The following APP variants were observed in gnomAD, a reference collection of about 807,000 sequenced individuals.
The protein encoded by APP is amyloid-beta precursor protein.
Under a neutral mutation model 101.4 loss-of-function variants are expected in APP, and 31 were observed. That is an observed-to-expected ratio of 0.31 (90% CI 0.23 to 0.41). The LOEUF (loss-of-function observed/expected upper bound fraction) is 0.41, where lower values mean the gene tolerates loss of function less well. Ranked by LOEUF, APP falls within the 10% of genes least tolerant of loss-of-function variation. APP has a pLI of 1.00. For synonymous variants in APP, 366 were observed against 364.4 expected, an observed-to-expected ratio of 1.00 and a Z score of -0.05; for missense variants, 839 against 1,003.7, an observed-to-expected ratio of 0.84 and a Z score of 2.22.
chr21:26,034,389 A>G (rs1159691856), intron 5 of APP, among the ~76,000 whole-genome samples: 2 of 152,202 alleles, frequency 1.3e-5, no homozygotes, highest in Non-Finnish European at 2.9e-5. Flanking sequence ...TCAGGCCTGT[A>G]ATCCCAGCAC....
intron 3 of APP, among the ~76,000 whole-genome samples, chr21:26,083,636 T>TC (rs1348656695): frequency 6.6e-6 from 1 of 152,212 alleles, no homozygotes; most frequent in Non-Finnish European, 1.5e-5. Context: ...AAATCAGATG[T>TC]CCATTAGCCT....
At chr21:25,924,670 T>C (rs2039805781) in intron 13 of APP, among the ~76,000 whole-genome samples, 1 of 151,638 alleles carries the variant, frequency 6.6e-6, no homozygotes, top group Admixed American at 6.6e-5. Context: ...CATGCGGAGT[T>C]AAAACCTAGA....
chr21:26,165,016 C>A (rs1239556765), intron 1 of APP, among the ~76,000 whole-genome samples: 1 of 151,904 alleles, frequency 6.6e-6, no homozygotes, highest in East Asian at 1.9e-4. Flanking sequence ...TTTCAAAAAA[C>A]CAATTGAAAT....
intron 9 of APP, among the ~76,000 whole-genome samples, chr21:25,980,658 G>A (rs533542621): frequency 1.5e-5 from 1 of 67,124 alleles, no homozygotes; most frequent in East Asian, 4.0e-4. Context: ...TCATCTTAAG[G>A]CAAAACAAAC....
chr21:25,896,823 T>TG (rs1451400182), intron 16 of APP, among the ~76,000 whole-genome samples: 2 of 152,112 alleles, frequency 1.3e-5, no homozygotes, highest in African/African-American at 4.8e-5. Context: ...ATCTTACTCT[T>TG]GCAAGAGAAG....
intron 5 of APP, among the ~76,000 whole-genome samples, chr21:26,047,070 A>G (rs957322820): frequency 1.1e-4 from 16 of 152,148 alleles, no homozygotes; most frequent in African/African-American, 2.9e-4. Context: ...CTGGAGAAAA[A>G]TATACTCGGT....
intron 13 of APP, among the ~76,000 whole-genome samples, chr21:25,938,139 T>A (rs2040429641): frequency 6.6e-6 from 1 of 152,194 alleles, no homozygotes; most frequent in Non-Finnish European, 1.5e-5. Context: ...TGCCAATCCC[T>A]TTTCATAGCT....
rs62222433 is a variant in APP at position 26,028,854 on chromosome 21, G to A, written c.663-6812C>T. ...GAGCAAGAAAAAAAATTATGGAAAAGTACTATAGGGAAAGGAGATGGGGCT... is the reference window on the plus strand; with the variant it reads ...GAGCAAGAAAAAAAATTATGGAAAAATACTATAGGGAAAGGAGATGGGGCT... On this transcript the variant is annotated intron_variant, in intron 5 of 17. Transcript: ENST00000346798. 6.9e-3 allele frequency among the ~76,000 whole-genome samples: 1,054 copies of A among 152,224 alleles called. 8 individuals carry two copies. The highest frequency in any genetic ancestry group is 0.012 in the South Asian group (58 of 4,820).
intron 11 of APP, among the ~76,000 whole-genome samples, chr21:25,959,740 A>C (rs2041495987): frequency 6.6e-6 from 1 of 152,240 alleles, no homozygotes; most frequent in South Asian, 2.1e-4. Context: ...TCCTCTATCC[A>C]TGTGGATAAA....
At chr21:25,926,412 A>G (rs986811699) in intron 13 of APP, among the ~76,000 whole-genome samples, 2 of 152,208 alleles carry the variant, frequency 1.3e-5, no homozygotes, top group African/African-American at 4.8e-5. Context: ...ATTAGCATAT[A>G]TGCTACAGCC....
chr21:25,906,704 CTG>C (rs1461485546), intron 14 of APP, among the ~76,000 whole-genome samples: 2 of 152,006 alleles, frequency 1.3e-5, no homozygotes, highest in Non-Finnish European at 2.9e-5. Context: ...TAATGAGTAA[CTG>C]TATTACTCCT....
intron 1 of APP, among the ~76,000 whole-genome samples, chr21:26,165,078 G>A (rs1259644503): frequency 6.6e-6 from 1 of 152,070 alleles, no homozygotes; most frequent in Non-Finnish European, 1.5e-5. Flanking sequence ...TCTAAAAATT[G>A]TATCTGAGAT....
intron 11 of APP, among the ~76,000 whole-genome samples, chr21:25,964,152 C>T (rs1327507666): frequency 6.6e-6 from 1 of 152,190 alleles, no homozygotes; most frequent in Non-Finnish European, 1.5e-5. Flanking sequence ...CCCAGGGTAT[C>T]CGGTTTGCTG....
At chr21:26,145,134 T>C (rs2063128026) in intron 1 of APP, among the ~76,000 whole-genome samples, 1 of 152,174 alleles carries the variant, frequency 6.6e-6, no homozygotes, top group Admixed American at 6.5e-5. Context: ...ATGAAGTCTC[T>C]GGGGAGAACT....
At chr21:26,056,947 A>C (rs1237175423) in intron 3 of APP, among the ~76,000 whole-genome samples, 1 of 152,234 alleles carries the variant, frequency 6.6e-6, no homozygotes, top group Non-Finnish European at 1.5e-5. Flanking sequence ...ACTTTTAATA[A>C]GCGTTAAGAG....
chr21:25,936,720 TTC>T (rs1215352891), intron 13 of APP, among the ~76,000 whole-genome samples: 1 of 152,142 alleles, frequency 6.6e-6, no homozygotes, highest in African/African-American at 2.4e-5. Context: ...GAAAAATAAT[TTC>T]TGTTGTTGAA....
At chr21:26,150,783 T>A (rs1428314780) in intron 1 of APP, among the ~76,000 whole-genome samples, 1 of 152,264 alleles carries the variant, frequency 6.6e-6, no homozygotes, top group Non-Finnish European at 1.5e-5. Context: ...TGAACGGATT[T>A]CCATATTATA....
At chr21:26,000,938 ATTGATATTTAT>A (rs2043266715) in intron 6 of APP, among the ~76,000 whole-genome samples, 1 of 151,694 alleles carries the variant, frequency 6.6e-6, no homozygotes, top group Non-Finnish European at 1.5e-5. Context: ...CTGCTATTTA[ATTGATATTTAT>A]ATATTAAAAA....
intron 13 of APP, among the ~76,000 whole-genome samples, chr21:25,927,212 T>G (rs943882497): frequency 6.6e-6 from 1 of 152,144 alleles, no homozygotes; most frequent in Non-Finnish European, 1.5e-5. Context: ...CTCCCTCTTC[T>G]AGCTAAGTGA....
Sources: allele counts gnomAD v4.1 joint callset (sites outside exome capture counted in the v4.1 genomes callset), GRCh38; gene constraint gnomAD v4.1.1; transcripts MANE v1.5; gene names NCBI Gene and HGNC (gene_info 2026-07-23, HGNC 2026-07-21).